The following DOP1B variants were observed in gnomAD, a reference collection of about 807,000 sequenced individuals.
DOP1B encodes the protein DOP1 leucine zipper like protein B, also known as protein DOP1B.
A neutral mutation model predicts 233.5 loss-of-function variants in DOP1B; 174 were observed. That is an observed-to-expected ratio of 0.75 (90% CI 0.66 to 0.85). DOP1B has a LOEUF of 0.85. Ranked by LOEUF, DOP1B falls within the 40% of genes least tolerant of loss-of-function variation. The pLI is 0.00. For missense variants in DOP1B, 2,652 were observed against 2,846.6 expected (o/e 0.93, Z 1.56); for synonymous variants, 1,190 against 1,185.6 (o/e 1.00, Z -0.08).
rs2066759682 is a variant in DOP1B at position 36,231,091 on chromosome 21, G to A, written c.2307G>A (p.Glu769=). The A allele has an allele frequency of 5.0e-6, 8 of 1,611,516 alleles. No individual in the cohort carries two copies. The highest frequency in any genetic ancestry group is 6.8e-6 in the Non-Finnish European group (8 of 1,178,814). Residue 769 remains glutamate (E), a synonymous_variant, in exon 14 of 37, where the codon GAG becomes GAA. Transcript: ENST00000691173. The part of the protein sequence containing the change: ...DCATFPVYLS[E]EETEQLCATL... ...CCACTTTCCCTGTCTACCTGTCCGA[G>A]GAAGAGACCGAGCAGCTCTGTGCAA... is the stretch of plus-strand genomic sequence containing the variant.
At chr21:36,266,636 TG>T (rs1267181936) in intron 26 of DOP1B, among the ~76,000 whole-genome samples, 1 of 152,206 alleles carries the variant, frequency 6.6e-6, no homozygotes, top group Non-Finnish European at 1.5e-5. Context: ...CCAGTTACTT[TG>T]GGGTTTGTGG....
chr21:36,211,532 G>C (rs1213012740), intron 5 of DOP1B, 21 bp from the exon 6 acceptor site: 4 of 1,608,448 alleles, frequency 2.5e-6, no homozygotes, highest in Non-Finnish European at 3.4e-6. Context: ...GAAAATGCTA[G>C]TGCCGTTTGA....
intron 22 of DOP1B, 135 bp from the exon 23 acceptor site, chr21:36,253,637 C>CAAA (rs368750677): frequency 0.15 from 117,618 of 787,078 alleles, 5,000 homozygotes; most frequent in Admixed American, 0.21. Context: ...GACCGTGTTT[C>CAAA]AAAAAAAAAA....
At chr21:36,164,898 T>A (rs780979199) in intron 2 of DOP1B, 27 bp downstream of exon 2, 3 of 1,472,138 alleles carry the variant, frequency 2.0e-6, no homozygotes, top group Non-Finnish European at 2.7e-6. Context: ...CTATTTGGAT[T>A]GCATGGAGGT....
In DOP1B at chr21:36,230,874, C is replaced by G; in HGVS notation, c.2090C>G (p.Ser697Ter). 1 of 1,614,132 alleles carries G rather than the reference C, an allele frequency of 6.2e-7. No homozygotes were observed. Among genetic ancestry groups the G allele is most frequent in the East Asian group, 2.2e-5 (1 of 44,882 alleles). The change falls in exon 14 of 37, where the codon TCA (serine) becomes TGA (stop). Residue 697 changes from serine (S) to a stop codon, truncating the protein, a stop_gained. Transcript: ENST00000691173. LOFTEE classifies it high-confidence loss of function. ...ITVPQFKQML[S>*]DLFTARGSPF... ...GTGCCTCAGTTCAAGCAGATGCTGT[C>G]AGACTTGTTCACAGCACGAGGGTCT...
In DOP1B at chr21:36,289,157, T is replaced by C. The variant is rs1279777684; in HGVS notation, c.6466T>C (p.Leu2156=). The change falls in exon 35 of 37, where the codon TTG becomes CTG. Residue 2156 remains leucine, a synonymous_variant. Transcript: ENST00000691173. ...LILYLSACKF[L]DTALSFPPDK... is the part of the protein sequence containing the mutation. ...CTTGTATTTATCAGCTTGCAAATTC[T>C]TGGACACAGCGCTTTCTTTTCCACC... 6.2e-7 allele frequency: 1 copy of C among 1,614,190 alleles called. No homozygotes were observed. Among genetic ancestry groups the C allele is most frequent in the Non-Finnish European group, 8.5e-7 (1 of 1,180,036 alleles).
At chr21:36,178,437 GA>G (rs58402277) in intron 2 of DOP1B, among the ~76,000 whole-genome samples, 80 of 137,550 alleles carry the variant, frequency 5.8e-4, no homozygotes, top group Non-Finnish European at 5.1e-4. Context: ...AGTCTCTTAA[GA>G]AAAAAAAAAA....
intron 15 of DOP1B, among the ~76,000 whole-genome samples, chr21:36,234,721 A>G (rs2066806850): frequency 6.6e-6 from 1 of 152,036 alleles, no homozygotes; most frequent in Non-Finnish European, 1.5e-5. Context: ...TTGTATTTTT[A>G]GTAGAGACGG....
At chr21:36,169,039 G>C (rs2065944407) in intron 2 of DOP1B, 3 of 848,844 alleles carry the variant, frequency 3.5e-6, no homozygotes, top group Non-Finnish European at 6.0e-6. Flanking sequence ...TCTCCTCCAT[G>C]GTCTGGAAGC....
chr21:36,221,709 A>G (rs2066624878), intron 10 of DOP1B, among the ~76,000 whole-genome samples: 1 of 150,676 alleles, frequency 6.6e-6, no homozygotes, highest in South Asian at 2.1e-4. Context: ...CTGAGTAGCT[A>G]GGATTACAGG....
At chr21:36,161,314 T>C (rs1011832812) in intron 1 of DOP1B, among the ~76,000 whole-genome samples, 1 of 152,100 alleles carries the variant, frequency 6.6e-6, no homozygotes, top group African/African-American at 2.4e-5. Flanking sequence ...AATTTTTCTA[T>C]TTTTAGTAGA....
At position 36,288,755 on chromosome 21, in the gene DOP1B, G is replaced by C; in HGVS notation, c.6298-1G>C. On this transcript the variant is annotated splice_acceptor_variant, in intron 33 of 36. Transcript: ENST00000691173. LOFTEE classifies it high-confidence loss of function. Reference sequence around the variant, plus strand: ...GTAACTTGAATGCATTTTTTTTTCAGATTCAGACATTCACACAGCTTGAAG... The same window carrying C: ...GTAACTTGAATGCATTTTTTTTTCACATTCAGACATTCACACAGCTTGAAG... 1 of 1,602,732 alleles carries C rather than the reference G, an allele frequency of 6.2e-7. No homozygotes were observed. Among genetic ancestry groups the C allele is most frequent in the Non-Finnish European group, 8.5e-7 (1 of 1,174,006 alleles).
At chr21:36,169,360 G>A (rs1487549324) in intron 2 of DOP1B, 2 of 800,270 alleles carry the variant, frequency 2.5e-6, no homozygotes, top group Non-Finnish European at 4.4e-6. Flanking sequence ...TGTGGTGATG[G>A]TCGCCTTTCT....
At position 36,164,759 on chromosome 21, in the gene DOP1B, T is replaced by A; in HGVS notation, c.26T>A (p.Leu9Ter). 1 of 1,607,172 alleles carries A rather than the reference T, an allele frequency of 6.2e-7. No homozygotes were observed. The highest frequency in any genetic ancestry group is 8.5e-7 in the Non-Finnish European group (1 of 1,177,868). Residue 9 changes from leucine (L) to a stop codon, truncating the protein, a stop_gained, in exon 2 of 37, where the codon TTA becomes TAA. Transcript: ENST00000691173. LOFTEE classifies it high-confidence loss of function. Reference protein sequence around the residue: MDPEEQELLNDYRYRSYSS... With the variant: MDPEEQEL ...ATGGATCCAGAAGAGCAGGAGCTCTTAAATGATTACAGATACAGAAGCTAC... is the reference window on the plus strand; with the variant it reads ...ATGGATCCAGAAGAGCAGGAGCTCTAAAATGATTACAGATACAGAAGCTAC...
chr21:36,253,710 T>C, intron 22 of DOP1B, 62 bp from the exon 23 acceptor site: 3 of 1,537,986 alleles, frequency 2.0e-6, no homozygotes, highest in Non-Finnish European at 2.7e-6. Flanking sequence ...AATAAGGATG[T>C]GTCATCCTTA....
intron 27 of DOP1B, among the ~76,000 whole-genome samples, chr21:36,273,353 G>A (rs997099385): frequency 2.6e-4 from 40 of 152,026 alleles, no homozygotes; most frequent in African/African-American, 6.7e-4. Flanking sequence ...GCTGCAGTGC[G>A]CCGAGATCGT....
At chr21:36,223,058 A>G (rs915872745) in intron 10 of DOP1B, among the ~76,000 whole-genome samples, 173 bp from the exon 11 acceptor site, 2 of 152,220 alleles carry the variant, frequency 1.3e-5, no homozygotes, top group Admixed American at 1.3e-4. Flanking sequence ...ATTGTTTACG[A>G]TGGCATTATG....
At chr21:36,292,904 G>A (rs1181291353) in intron 36 of DOP1B, among the ~76,000 whole-genome samples, 1 of 152,088 alleles carries the variant, frequency 6.6e-6, no homozygotes, top group Non-Finnish European at 1.5e-5. Flanking sequence ...GAGAGCCACC[G>A]TGTCCAGCCT....
chr21:36,160,857 G>T (rs935491695), intron 1 of DOP1B, among the ~76,000 whole-genome samples: 3 of 152,196 alleles, frequency 2.0e-5, no homozygotes, highest in Admixed American at 6.5e-5. Context: ...AGCACTGTGT[G>T]TAAAGGCACT....
Sources: gnomAD v4.1 joint callset for allele counts (sites outside exome capture counted in the v4.1 genomes callset) on GRCh38, gnomAD v4.1.1 for gene constraint, MANE v1.5 for transcripts, NCBI Gene and HGNC (gene_info 2026-07-23, HGNC 2026-07-21) for gene names.